TTC17: variants seen among roughly 807,000 people sequenced by gnomAD.
The protein encoded by TTC17 is tetratricopeptide repeat protein 17.
Under a neutral mutation model 143.8 loss-of-function variants are expected in TTC17, and 58 were observed. The ratio of observed to expected loss-of-function variants is 0.40; its 90% CI spans 0.33 to 0.50. TTC17 has a LOEUF of 0.50. Among genes scored for constraint, TTC17 ranks in the 20% least tolerant of loss-of-function variants. TTC17 has a pLI of 0.49. For missense variants in TTC17, 1,273 were observed against 1,392.5 expected, an observed-to-expected ratio of 0.91 and a Z score of 1.37; for synonymous variants, 501 against 497.8, an observed-to-expected ratio of 1.01 and a Z score of -0.09.
intron 1 of TTC17, among the ~76,000 whole-genome samples, chr11:43,372,430 G>A (rs1590314224): frequency 6.6e-6 from 1 of 151,624 alleles, no homozygotes; most frequent in East Asian, 1.9e-4. Context: ...AGCCTCCCGA[G>A]TAGCTGGGAT....
intron 15 of TTC17, among the ~76,000 whole-genome samples, chr11:43,411,163 A>C (rs957910821): frequency 1.3e-5 from 2 of 152,212 alleles, no homozygotes; most frequent in Non-Finnish European, 2.9e-5. Flanking sequence ...AAGGTCCTAC[A>C]TGACCTTGTT....
chr11:43,391,487 G>C lies in TTC17; in HGVS notation c.442G>C (p.Glu148Gln), dbSNP rs1259370640. The C allele has an allele frequency of 6.2e-7, 1 of 1,604,678 alleles. No individual in the cohort carries two copies. Among genetic ancestry groups the C allele is most frequent in the South Asian group, 1.1e-5 (1 of 89,978 alleles). The change falls in exon 4 of 24, where the codon GAA (glutamate) becomes CAA (glutamine). Residue 148 changes from glutamate to glutamine, a missense_variant. Physicochemically the swap from Glu to Gln is conservative, Grantham distance 29. Around this residue, in one of 3 missense-constraint regions of TTC17, gnomAD observed 325 missense variants for 444.2 expected, o/e 0.73. Transcript: ENST00000039989. ...TAGTCCTGAAGATTATATAGACACA[G>C]AATCTCCTGTCCCTCCAGACCCAGA... is the stretch of plus-strand genomic sequence containing the variant. ...DISPEDYIDT[E>Q]SPVPPDPEQP...
chr11:43,461,460 A>G (rs1947867026), intron 21 of TTC17, among the ~76,000 whole-genome samples: 1 of 152,014 alleles, frequency 6.6e-6, no homozygotes, highest in East Asian at 1.9e-4. Context: ...TAGAATAAGA[A>G]AACTGCAGGC....
intron 3 of TTC17, chr11:43,390,428 C>T (rs1404819015): frequency 6.6e-6 from 1 of 151,636 alleles, no homozygotes; most frequent in Admixed American, 6.6e-5. Flanking sequence ...TCCTGGCTAA[C>T]ACGGTGAAAC....
At chr11:43,412,116 G>A (rs1372669938) in intron 15 of TTC17, among the ~76,000 whole-genome samples, 6 of 151,798 alleles carry the variant, frequency 4.0e-5, no homozygotes, top group Admixed American at 3.9e-4. Context: ...GAATACTTTG[G>A]GCTGCTTATG....
chr11:43,397,933 T>C, intron 7 of TTC17, 41 bp from the exon 8 acceptor site: 1 of 1,581,222 alleles, frequency 6.3e-7, no homozygotes, highest in South Asian at 1.1e-5. Flanking sequence ...TGTGTGTGTG[T>C]GTGTGTGTGT....
rs1324830037 is a variant in TTC17 at position 43,405,537 on chromosome 11, T to C, written c.1503T>C (p.Pro501=). Reference sequence around the variant, plus strand: ...AGGACAAACAGCATATTCTATGGCCTAAAAGAGCAGATTGTACAGAAAGCT... The same window carrying C: ...AGGACAAACAGCATATTCTATGGCCCAAAAGAGCAGATTGTACAGAAAGCT... ...AYRDKQHILW[P]KRADCTESYP... is the part of the protein sequence containing the mutation. The change falls in exon 12 of 24, where the codon CCT becomes CCC. Residue 501 remains proline, a synonymous_variant. Transcript: ENST00000039989. 8 of 1,613,906 alleles carry C rather than the reference T, an allele frequency of 5.0e-6. No individual in the cohort carries two copies. The highest frequency in any genetic ancestry group is 6.8e-6 in the Non-Finnish European group (8 of 1,179,830).
At chr11:43,436,277 G>A (rs745529922) in intron 16 of TTC17, 9 of 1,399,298 alleles carry the variant, frequency 6.4e-6, no homozygotes, top group South Asian at 1.7e-5. Flanking sequence ...AACAGAGGAG[G>A]ACCCTGTATT....
chr11:43,390,542 G>A (rs1857338967), intron 3 of TTC17, among the ~76,000 whole-genome samples: 1 of 151,826 alleles, frequency 6.6e-6, no homozygotes, highest in South Asian at 2.1e-4. Context: ...CGTGAACCCA[G>A]GAGGCAGAGC....
At chr11:43,438,538 G>A (rs1482269195) in intron 16 of TTC17, among the ~76,000 whole-genome samples, 3 of 152,166 alleles carry the variant, frequency 2.0e-5, no homozygotes, top group African/African-American at 7.2e-5. Flanking sequence ...TCCTTCTACA[G>A]TATTGTTATT....
chr11:43,389,193 G>A (rs763150378), intron 2 of TTC17, among the ~76,000 whole-genome samples: 5 of 151,804 alleles, frequency 3.3e-5, no homozygotes, highest in Non-Finnish European at 7.4e-5. Flanking sequence ...TGATAGATAC[G>A]GGTGGTGAAA....
At chr11:43,448,809 C>T (rs1284509156) in intron 19 of TTC17, 1 of 152,102 alleles carries the variant, frequency 6.6e-6, no homozygotes, top group African/African-American at 2.4e-5. Flanking sequence ...AATTTTCTTG[C>T]CCACTCTCCA....
intron 13 of TTC17, among the ~76,000 whole-genome samples, chr11:43,406,463 T>C (rs1858138340): frequency 6.6e-6 from 1 of 152,024 alleles, no homozygotes. Context: ...TATATATAAC[T>C]ACGAGTGTTT....
intron 1 of TTC17, among the ~76,000 whole-genome samples, chr11:43,361,585 C>T (rs531173297): frequency 2.6e-5 from 4 of 152,174 alleles, no homozygotes; most frequent in Non-Finnish European, 5.9e-5. Flanking sequence ...AAGTGAAAAA[C>T]AGAATGGTTA....
chr11:43,400,239 T>G (rs1857791570), intron 9 of TTC17, among the ~76,000 whole-genome samples, 191 bp downstream of exon 9: 1 of 152,178 alleles, frequency 6.6e-6, no homozygotes, highest in African/African-American at 2.4e-5. Flanking sequence ...TACCTTGCTT[T>G]TTTCAAATTT....
At chr11:43,444,250 T>C in intron 18 of TTC17, 41 bp downstream of exon 18, 1 of 1,562,370 alleles carries the variant, frequency 6.4e-7, no homozygotes, top group Non-Finnish European at 8.6e-7. Flanking sequence ...TTGTTTTAGA[T>C]GTCACTATCT....
intron 16 of TTC17, among the ~76,000 whole-genome samples, chr11:43,421,452 T>C (rs771691257): frequency 2.3e-4 from 35 of 152,272 alleles, no homozygotes; most frequent in Middle Eastern, 3.4e-3. Flanking sequence ...GACTAGGAAC[T>C]GGGCAACACA....
intron 10 of TTC17, 159 bp downstream of exon 10, chr11:43,401,717 G>A: frequency 3.6e-6 from 2 of 551,104 alleles, no homozygotes; most frequent in Non-Finnish European, 6.3e-6. Context: ...AGTGGCTCAC[G>A]CCTGTAATCT....
At chr11:43,491,058 T>C (rs1948467160) in intron 22 of TTC17, 1 of 152,154 alleles carries the variant, frequency 6.6e-6, no homozygotes, top group Non-Finnish European at 1.5e-5. Flanking sequence ...GTCAAGGCAA[T>C]GTATGGAATG....
Sources: allele counts gnomAD v4.1 joint callset (sites outside exome capture counted in the v4.1 genomes callset), GRCh38; gene constraint gnomAD v4.1.1; regional missense constraint gnomAD v4.1.1; transcripts MANE v1.5; gene names NCBI Gene and HGNC (gene_info 2026-07-23, HGNC 2026-07-21).